NPAS3: variants seen among roughly 807,000 people sequenced by gnomAD.
The protein encoded by NPAS3 is neuronal PAS domain protein 3, also known as neuronal PAS domain-containing protein 3.
In NPAS3, 14 loss-of-function variants were observed where a neutral mutation model predicts 73.1. The observed-to-expected ratio is 0.19, with a 90% CI of 0.13 to 0.30. NPAS3 has a LOEUF of 0.30. Ranked by LOEUF, NPAS3 falls within the 10% of genes least tolerant of loss-of-function variation. NPAS3 has a pLI of 1.00. For missense variants in NPAS3, 1,096 were observed against 1,250.0 expected (o/e 0.88, Z 1.86); for synonymous variants, 620 against 541.5 (o/e 1.14, Z -2.01).
intron 4 of NPAS3, among the ~76,000 whole-genome samples, chr14:33,472,795 G>A (rs1328292838): frequency 2.0e-5 from 3 of 149,974 alleles, no homozygotes; most frequent in African/African-American, 7.6e-5. Flanking sequence ...TGGGGTGGAG[G>A]GTGGATTAGA....
intron 5 of NPAS3, among the ~76,000 whole-genome samples, chr14:33,563,565 G>GAGAGA (rs10688249): frequency 1.4e-5 from 2 of 144,422 alleles, no homozygotes; most frequent in African/African-American, 2.7e-5. Context: ...GAGAGAGAGA[G>GAGAGA]GAGAGATGTA....
At chr14:33,496,771 T>C (rs1250447795) in intron 4 of NPAS3, among the ~76,000 whole-genome samples, 1 of 152,126 alleles carries the variant, frequency 6.6e-6, no homozygotes, top group Non-Finnish European at 1.5e-5. Context: ...CTGGAAGCAT[T>C]CCCTTAGAAA....
intron 4 of NPAS3, among the ~76,000 whole-genome samples, chr14:33,553,623 C>G (rs2055222586): frequency 6.6e-6 from 1 of 152,158 alleles, no homozygotes; most frequent in African/African-American, 2.4e-5. Flanking sequence ...GTGCAGTTGA[C>G]TCATTGAAAG....
At chr14:32,958,434 T>G (rs2036770763) in intron 1 of NPAS3, among the ~76,000 whole-genome samples, 1 of 152,202 alleles carries the variant, frequency 6.6e-6, no homozygotes, top group African/African-American at 2.4e-5. Flanking sequence ...CCTTTCTTTT[T>G]GAGATACTCT....
chr14:33,390,561 C>T (rs547256863), intron 4 of NPAS3, among the ~76,000 whole-genome samples: 1 of 152,342 alleles, frequency 6.6e-6, no homozygotes, highest in African/African-American at 2.4e-5. Flanking sequence ...CCAGCTGTGG[C>T]TGCTTCTGTA....
At chr14:33,558,641 T>C (rs1162543955) in intron 4 of NPAS3, among the ~76,000 whole-genome samples, 1 of 151,552 alleles carries the variant, frequency 6.6e-6, no homozygotes, top group East Asian at 1.9e-4. Flanking sequence ...TACACATATA[T>C]ATATAAGAAT....
intron 4 of NPAS3, among the ~76,000 whole-genome samples, chr14:33,515,870 A>G (rs1342691554): frequency 6.6e-6 from 1 of 152,096 alleles, no homozygotes; most frequent in Non-Finnish European, 1.5e-5. Flanking sequence ...CTTTATTCAC[A>G]TGTCCCCAAA....
At chr14:33,087,165 G>T (rs1185441959) in intron 2 of NPAS3, among the ~76,000 whole-genome samples, 7 of 97,578 alleles carry the variant, frequency 7.2e-5, no homozygotes, top group Non-Finnish European at 9.7e-5. Context: ...ATATAATATT[G>T]TATAATATAT....
intron 4 of NPAS3, among the ~76,000 whole-genome samples, chr14:33,431,573 G>A (rs1004623200): frequency 2.0e-5 from 3 of 152,024 alleles, no homozygotes; most frequent in Non-Finnish European, 4.4e-5. Context: ...TGATTATGAA[G>A]GATTTTAGAT....
chr14:33,662,606 G>T (rs2059338947), intron 5 of NPAS3, among the ~76,000 whole-genome samples: 1 of 152,080 alleles, frequency 6.6e-6, no homozygotes, highest in South Asian at 2.1e-4. Flanking sequence ...CCATTTGCTT[G>T]TGTCCTCTCT....
intron 4 of NPAS3, among the ~76,000 whole-genome samples, chr14:33,444,460 G>A (rs1411017456): frequency 6.6e-6 from 1 of 152,220 alleles, no homozygotes; most frequent in East Asian, 1.9e-4. Context: ...AGGTAGAAGA[G>A]TTAGTTTGAG....
chr14:33,687,913 A>G (rs1360074715), intron 6 of NPAS3, among the ~76,000 whole-genome samples: 1 of 152,240 alleles, frequency 6.6e-6, no homozygotes, highest in Non-Finnish European at 1.5e-5. Context: ...AGAAAGATTC[A>G]GTTAATGGAG....
At chr14:33,578,692 G>T (rs1356050538) in intron 5 of NPAS3, among the ~76,000 whole-genome samples, 1 of 152,108 alleles carries the variant, frequency 6.6e-6, no homozygotes, top group African/African-American at 2.4e-5. Flanking sequence ...TTTTCCAATG[G>T]GTCAGTCAAT....
chr14:33,367,442 C>T (rs1374222642), intron 4 of NPAS3, among the ~76,000 whole-genome samples, 174 bp downstream of exon 4: 1 of 151,864 alleles, frequency 6.6e-6, no homozygotes, highest in Admixed American at 6.6e-5. Context: ...GAAAGCCATC[C>T]TTTGAGAGAA....
intron 4 of NPAS3, among the ~76,000 whole-genome samples, chr14:33,434,399 C>T (rs2048900382): frequency 6.6e-6 from 1 of 151,770 alleles, no homozygotes; most frequent in Non-Finnish European, 1.5e-5. Flanking sequence ...TGGTGGTGCA[C>T]ACCTGTAGGT....
At position 33,180,799 on chromosome 14, in the gene NPAS3, CAAGAAA is replaced by C. The variant is rs1359139431; in HGVS notation, c.141-34380_141-34375del. 5.8e-3 allele frequency among the ~76,000 whole-genome samples: 405 copies of C among 69,328 alleles called. 4 individuals are homozygous for C. The highest frequency in any genetic ancestry group is 7.8e-3 in the Non-Finnish European group (302 of 38,818). The allele number at this position is 69,328 out of a possible 152,430, so 45.5% of individuals were successfully genotyped here. Reference sequence around the variant, plus strand: ...GGGCGACAGAGCGAGACACTGTCTCCAAGAAAAAAAAAAAAAAAAAAAAAAAGACAC... The same window carrying C: ...GGGCGACAGAGCGAGACACTGTCTCCAAAAAAAAAAAAAAAAAAAAGACAC... On this transcript the variant is annotated intron_variant, in intron 2 of 11. Coordinates refer to ENST00000356141, the Ensembl canonical transcript of NPAS3.
At chr14:33,184,757 GC>G (rs374788864) in intron 2 of NPAS3, among the ~76,000 whole-genome samples, 3 of 152,120 alleles carry the variant, frequency 2.0e-5, no homozygotes, top group African/African-American at 7.2e-5. Flanking sequence ...ACAGGATGCT[GC>G]CCGGTGTTCT....
intron 7 of NPAS3, among the ~76,000 whole-genome samples, chr14:33,761,947 G>C (rs777983617): frequency 1.1e-4 from 17 of 152,140 alleles, no homozygotes; most frequent in Admixed American, 2.0e-4. Context: ...TATTCATTTT[G>C]AGTTTTACTG....
At chr14:33,344,291 T>C (rs1201283339) in intron 3 of NPAS3, among the ~76,000 whole-genome samples, 1 of 152,228 alleles carries the variant, frequency 6.6e-6, no homozygotes, top group Non-Finnish European at 1.5e-5. Flanking sequence ...TGTGTAAAGA[T>C]TATCTGTATT....
Sources: allele counts gnomAD v4.1 joint callset (sites outside exome capture counted in the v4.1 genomes callset), GRCh38; gene constraint gnomAD v4.1.1; transcripts MANE v1.5; gene names NCBI Gene and HGNC (gene_info 2026-07-23, HGNC 2026-07-21).